Variants in TRIQK observed in about 807,000 individuals in gnomAD.
TRIQK encodes triple QxxK/R motif-containing protein.
TRIQK carries 10 observed loss-of-function variants against 10.8 expected under a neutral mutation model. The ratio of observed to expected loss-of-function variants is 0.92; its 90% confidence interval spans 0.57 to 1.57. The LOEUF is 1.57. TRIQK is among the 40% of genes most tolerant of loss of function. TRIQK has a pLI of 0.00. For synonymous variants in TRIQK, 33 were observed against 33.7 expected (o/e 0.98, Z 0.07); for missense variants, 107 against 97.7 (o/e 1.09, Z -0.40).
chr8:92,975,188 T>A (rs945340298), intron 1 of TRIQK, among the ~76,000 whole-genome samples: 7 of 152,232 alleles, frequency 4.6e-5, no homozygotes, highest in African/African-American at 1.7e-4. Flanking sequence ...TTGATTTTGG[T>A]CCCAGAGATA....
intron 1 of TRIQK, among the ~76,000 whole-genome samples, chr8:92,994,152 T>G: frequency 1.3e-5 from 2 of 152,300 alleles, no homozygotes; most frequent in Middle Eastern, 6.8e-3. Context: ...TAGTGCACTA[T>G]CTTCTTTTTA....
intron 2 of TRIQK, among the ~76,000 whole-genome samples, chr8:92,935,241 A>G (rs1025747426): frequency 6.6e-6 from 1 of 151,814 alleles, no homozygotes; most frequent in Non-Finnish European, 1.5e-5. Flanking sequence ...TACGAAAAAT[A>G]TACTTTTGAA....
chr8:92,997,963 A>G (rs1045408450), intron 1 of TRIQK, among the ~76,000 whole-genome samples: 2 of 152,072 alleles, frequency 1.3e-5, no homozygotes, highest in Admixed American at 6.5e-5. Context: ...TAGAAGTGTT[A>G]TGGTACTCAT....
At chr8:92,980,775 T>G (rs1215460956) in intron 1 of TRIQK, among the ~76,000 whole-genome samples, 1 of 151,948 alleles carries the variant, frequency 6.6e-6, no homozygotes, top group Non-Finnish European at 1.5e-5. Context: ...ATAATGTGTT[T>G]CTCCTTTAGT....
At chr8:93,009,585 G>A (rs929941309) in intron 1 of TRIQK, among the ~76,000 whole-genome samples, 1 of 151,748 alleles carries the variant, frequency 6.6e-6, no homozygotes, top group Non-Finnish European at 1.5e-5. Flanking sequence ...TCCAGCCTGG[G>A]TGACAGAGTG....
At chr8:93,014,952 T>C (rs1049354350) in intron 1 of TRIQK, among the ~76,000 whole-genome samples, 3 of 152,048 alleles carry the variant, frequency 2.0e-5, no homozygotes, top group African/African-American at 7.2e-5. Flanking sequence ...ATATAATGTG[T>C]TATTTACTTG....
At position 92,909,553 on chromosome 8, in the gene TRIQK, A is replaced by G. The variant is rs528930108; in HGVS notation, c.61+7376T>C. ...AATTCAAACCAATGATAATTTTTCA[A>G]TGCTTGGACATAACAGCTTGTCATG... On this transcript the variant is annotated intron_variant, in intron 3 of 4. Transcript: ENST00000521988. 4.1e-4 allele frequency among the ~76,000 whole-genome samples: 62 copies of G among 151,948 alleles called. No individual in the cohort carries two copies. In the South Asian group the frequency reaches 0.012, roughly 30 times the overall value.
chr8:92,958,587 T>A (rs886666662), intron 1 of TRIQK, among the ~76,000 whole-genome samples: 7 of 151,994 alleles, frequency 4.6e-5, no homozygotes, highest in African/African-American at 1.4e-4. Flanking sequence ...AAAGAGAAGA[T>A]GTGGATTATA....
upstream of TRIQK, among the ~76,000 whole-genome samples, chr8:92,970,503 G>A (rs1266764395): frequency 6.6e-6 from 1 of 152,196 alleles, no homozygotes; most frequent in Admixed American, 6.5e-5. Context: ...TCTGACTGGT[G>A]TGAAATGGTA....
At chr8:92,967,301 A>G (rs1283717010), upstream of TRIQK, among the ~76,000 whole-genome samples, 1 of 152,166 alleles carries the variant, frequency 6.6e-6, no homozygotes, top group African/African-American at 2.4e-5. Flanking sequence ...AAAAGAAAAA[A>G]AAAAAGAGTA....
intron 2 of TRIQK, among the ~76,000 whole-genome samples, chr8:92,936,523 A>G (rs1470721231): frequency 6.6e-6 from 1 of 151,662 alleles, no homozygotes; most frequent in Non-Finnish European, 1.5e-5. Context: ...ATAGAAAAGA[A>G]CTTTTTACCC....
chr8:92,999,467 T>A (rs1387591676), intron 1 of TRIQK, among the ~76,000 whole-genome samples: 1 of 152,182 alleles, frequency 6.6e-6, no homozygotes, highest in Non-Finnish European at 1.5e-5. Flanking sequence ...AATTATCAAA[T>A]GGAATATTCT....
chr8:92,992,652 G>T (rs748753550), intron 1 of TRIQK, among the ~76,000 whole-genome samples: 1 of 152,226 alleles, frequency 6.6e-6, no homozygotes, highest in African/African-American at 2.4e-5. Flanking sequence ...GGGCCAGCCT[G>T]AGGCTGAGGC....
intron 3 of TRIQK, among the ~76,000 whole-genome samples, chr8:92,898,975 G>A (rs1258091991): frequency 6.8e-6 from 1 of 147,404 alleles, no homozygotes; most frequent in African/African-American, 2.5e-5. Flanking sequence ...CTTTCTTTGT[G>A]TTGCAAACAA....
At chr8:92,999,490 A>T (rs1813186432) in intron 1 of TRIQK, among the ~76,000 whole-genome samples, 1 of 152,174 alleles carries the variant, frequency 6.6e-6, no homozygotes, top group Non-Finnish European at 1.5e-5. Flanking sequence ...CTACTCGTTT[A>T]AACCAGATCA....
At chr8:92,966,581 GAC>G, upstream of TRIQK, among the ~76,000 whole-genome samples, 1 of 152,218 alleles carries the variant, frequency 6.6e-6, no homozygotes, top group Admixed American at 6.5e-5. Flanking sequence ...AAACGTGACT[GAC>G]AATTAGGATT....
chr8:92,942,375 A>T (rs539847089), intron 2 of TRIQK, among the ~76,000 whole-genome samples: 1 of 152,332 alleles, frequency 6.6e-6, no homozygotes, highest in African/African-American at 2.4e-5. Flanking sequence ...TCAACAAATT[A>T]GATATAGAAG....
intron 1 of TRIQK, among the ~76,000 whole-genome samples, chr8:93,007,575 C>T (rs1813287072): frequency 6.6e-6 from 1 of 152,278 alleles, no homozygotes; most frequent in African/African-American, 2.4e-5. Context: ...TAATAAAAAA[C>T]TTTGCTGAGT....
intron 2 of TRIQK, among the ~76,000 whole-genome samples, chr8:92,942,462 T>C (rs575172438): frequency 6.6e-6 from 1 of 152,280 alleles, no homozygotes; most frequent in East Asian, 1.9e-4. Context: ...AGTTGAAAGC[T>C]TTCCTCTAAG....
Sources: gnomAD v4.1 joint callset for allele counts (sites outside exome capture counted in the v4.1 genomes callset) on GRCh38, gnomAD v4.1.1 for gene constraint, MANE v1.5 for transcripts, NCBI Gene and HGNC (gene_info 2026-07-23, HGNC 2026-07-21) for gene names.